Variants in PPP2R5E observed in about 807,000 individuals in gnomAD.
PPP2R5E encodes serine/threonine-protein phosphatase 2A 56 kDa regulatory subunit epsilon isoform.
PPP2R5E carries 4 observed loss-of-function variants against 65.3 expected under a neutral mutation model. The ratio of observed to expected loss-of-function variants is 0.06; its 90% confidence interval spans 0.03 to 0.14. PPP2R5E has a LOEUF of 0.14. Among genes scored for constraint, PPP2R5E ranks in the 10% least tolerant of loss-of-function variants. The pLI, the probability that PPP2R5E is intolerant of heterozygous loss-of-function variation, is 1.00. For synonymous variants in PPP2R5E, 183 were observed against 187.4 expected (o/e 0.98, Z 0.19); for missense variants, 274 against 556.1 (o/e 0.49, Z 5.10).
rs527691107 is a variant in PPP2R5E at position 63,466,793 on chromosome 14, GTGTATGTA to G, written c.158-12916_158-12909del. Among the ~76,000 whole-genome samples the G allele has an allele frequency of 9.6e-3, 1,462 of 152,248 alleles. 30 individuals are homozygous for G. Among genetic ancestry groups the G allele is most frequent in the African/African-American group, 0.034 (1,405 of 41,526 alleles). ...TATACATATGTGTATACATACATAT[GTGTATGTA>G]TGTATGTGTGTATGAACAGTTTTGA... On this transcript the variant is annotated intron_variant, in intron 2 of 13. Coordinates refer to ENST00000337537, the MANE Select transcript of PPP2R5E (RefSeq NM_006246.5).
chr14:63,519,396 G>A (rs1057020570), intron 2 of PPP2R5E, among the ~76,000 whole-genome samples: 2 of 151,826 alleles, frequency 1.3e-5, no homozygotes, highest in Non-Finnish European at 2.9e-5. Flanking sequence ...TGTCACCCAG[G>A]CTGGAGTGCA....
At chr14:63,404,378 AG>A (rs904941101) in intron 5 of PPP2R5E, among the ~76,000 whole-genome samples, 6 of 152,240 alleles carry the variant, frequency 3.9e-5, no homozygotes, top group Non-Finnish European at 8.8e-5. Context: ...CACTAAAATC[AG>A]ATGTCCACAT....
At chr14:63,524,161 T>G (rs140651167) in intron 2 of PPP2R5E, among the ~76,000 whole-genome samples, 11 of 152,364 alleles carry the variant, frequency 7.2e-5, no homozygotes, top group Non-Finnish European at 1.6e-4. Flanking sequence ...CTTTGAACAG[T>G]GTTCCAGGCA....
At chr14:63,387,801 G>A (rs905552521) in intron 11 of PPP2R5E, among the ~76,000 whole-genome samples, 1 of 152,200 alleles carries the variant, frequency 6.6e-6, no homozygotes, top group Non-Finnish European at 1.5e-5. Flanking sequence ...TCATAAGGGT[G>A]GGGTCCTAAC....
chr14:63,411,985 T>C (rs1458375658), intron 5 of PPP2R5E, among the ~76,000 whole-genome samples: 2 of 152,216 alleles, frequency 1.3e-5, no homozygotes, highest in Non-Finnish European at 2.9e-5. Flanking sequence ...ATAGGTAGTG[T>C]TTTATCCTAG....
chr14:63,423,744 A>C (rs770652298), intron 3 of PPP2R5E, among the ~76,000 whole-genome samples: 18 of 152,212 alleles, frequency 1.2e-4, no homozygotes, highest in Non-Finnish European at 2.6e-4. Flanking sequence ...CCAGTAAATA[A>C]TTATTAAGTG....
chr14:63,443,055 A>G (rs1888313551), intron 3 of PPP2R5E, among the ~76,000 whole-genome samples: 1 of 152,184 alleles, frequency 6.6e-6, no homozygotes, highest in Non-Finnish European at 1.5e-5. Flanking sequence ...ACAATGTCAT[A>G]TTATTGTATT....
At chr14:63,501,956 G>C (rs531337634) in intron 2 of PPP2R5E, among the ~76,000 whole-genome samples, 2 of 151,998 alleles carry the variant, frequency 1.3e-5, no homozygotes, top group Admixed American at 6.6e-5. Flanking sequence ...GTGCAGTGGC[G>C]AGATCTCAGC....
chr14:63,500,638 G>C (rs1353299777), intron 2 of PPP2R5E, among the ~76,000 whole-genome samples: 1 of 152,136 alleles, frequency 6.6e-6, no homozygotes, highest in East Asian at 1.9e-4. Flanking sequence ...AGGATCTCTT[G>C]AGGCCAAGAG....
At chr14:63,410,776 C>T (rs1886350637) in intron 5 of PPP2R5E, among the ~76,000 whole-genome samples, 1 of 152,184 alleles carries the variant, frequency 6.6e-6, no homozygotes, top group African/African-American at 2.4e-5. Context: ...GCAGTTAATG[C>T]ACTGATTAGT....
Position 63,443,147 on chromosome 14 carries a change from A to G in PPP2R5E, c.354+10542T>C, listed in dbSNP as rs1888317313. On this transcript the variant is annotated intron_variant, in intron 3 of 13. Coordinates refer to ENST00000337537, the MANE Select transcript of PPP2R5E (RefSeq NM_006246.5). ...TAAAGCACTTAGATAACCAAGTGACAGGTTATAATTTGAGAGTAGGAAAAA... is the reference window on the plus strand; with the variant it reads ...TAAAGCACTTAGATAACCAAGTGACGGGTTATAATTTGAGAGTAGGAAAAA... Among the ~76,000 whole-genome samples the G allele has an allele frequency of 2.0e-5, 3 of 152,246 alleles. No homozygotes were observed. The South Asian group carries it at 6.2e-4, about 31-fold the overall frequency.
At chr14:63,489,186 G>C (rs118036858) in intron 2 of PPP2R5E, among the ~76,000 whole-genome samples, 1 of 151,710 alleles carries the variant, frequency 6.6e-6, no homozygotes, top group African/African-American at 2.4e-5. Flanking sequence ...AATTTGGGGG[G>C]GTAGTTTATT....
chr14:63,458,561 C>G (rs10138274), intron 2 of PPP2R5E, among the ~76,000 whole-genome samples: 44,499 of 151,888 alleles, frequency 0.29, 7,951 homozygotes, highest in African/African-American at 0.5. Context: ...ATAAAGGAGG[C>G]CTACATCATT....
intron 3 of PPP2R5E, among the ~76,000 whole-genome samples, chr14:63,422,888 G>A (rs1887120641): frequency 6.6e-6 from 1 of 152,024 alleles, no homozygotes; most frequent in Non-Finnish European, 1.5e-5. Context: ...TCCTCAACAA[G>A]TTGGTTTACA....
chr14:63,536,720 C>T (rs1312235171), intron 2 of PPP2R5E, among the ~76,000 whole-genome samples: 1 of 152,182 alleles, frequency 6.6e-6, no homozygotes, highest in Non-Finnish European at 1.5e-5. Context: ...ACACCTGCTA[C>T]AACAGAGATG....
At chr14:63,464,041 T>C (rs1443135535) in intron 2 of PPP2R5E, among the ~76,000 whole-genome samples, 2 of 152,176 alleles carry the variant, frequency 1.3e-5, no homozygotes, top group Admixed American at 6.5e-5. Context: ...GAAAATTTTG[T>C]CATTTATTAT....
chr14:63,522,556 C>CA (rs1892970678), intron 2 of PPP2R5E, among the ~76,000 whole-genome samples: 1 of 151,020 alleles, frequency 6.6e-6, no homozygotes, highest in African/African-American at 2.4e-5. Context: ...TCTGCCCGGC[C>CA]GCCCATCGTC....
At chr14:63,414,919 C>T (rs1886615352) in intron 5 of PPP2R5E, among the ~76,000 whole-genome samples, 1 of 152,002 alleles carries the variant, frequency 6.6e-6, no homozygotes. Context: ...CATTAGCATT[C>T]CTGGCTATTT....
intron 2 of PPP2R5E, among the ~76,000 whole-genome samples, chr14:63,487,858 C>A (rs1566738650): frequency 6.6e-6 from 1 of 152,106 alleles, no homozygotes; most frequent in African/African-American, 2.4e-5. Flanking sequence ...TCCAAATATT[C>A]TTTTCTCAGG....
Sources: gnomAD v4.1 joint callset for allele counts (sites outside exome capture counted in the v4.1 genomes callset) on GRCh38, gnomAD v4.1.1 for gene constraint, MANE v1.5 for transcripts, NCBI Gene and HGNC (gene_info 2026-07-23, HGNC 2026-07-21) for gene names.